The following GPC3 variants were observed in gnomAD, a reference collection of about 807,000 sequenced individuals.
The protein encoded by GPC3 is glypican 3.
Under a neutral mutation model 34.4 loss-of-function variants are expected in GPC3, and 3 were observed. The ratio of observed to expected loss-of-function variants is 0.09; its 90% CI spans 0.04 to 0.23. The LOEUF is 0.23. Among genes scored for constraint, GPC3 ranks in the 10% least tolerant of loss-of-function variants. The pLI is 1.00. For synonymous variants in GPC3, 177 were observed against 174.0 expected, an observed-to-expected ratio of 1.02 and a Z score of -0.13; for missense variants, 351 against 445.6, an observed-to-expected ratio of 0.79 and a Z score of 1.91.
At chrX:133,571,680 T>A (rs2069633537) in intron 7 of GPC3, among the ~76,000 whole-genome samples, 1 of 111,976 alleles carries the variant, frequency 8.9e-6, no homozygotes, top group Non-Finnish European at 1.9e-5. Context: ...ATGCCCCTCA[T>A]CCGTGCTGGC....
intron 5 of GPC3, among the ~76,000 whole-genome samples, chrX:133,679,623 G>C (rs2070920261): frequency 9.0e-6 from 1 of 110,704 alleles, no homozygotes; most frequent in Non-Finnish European, 1.9e-5. Flanking sequence ...TCTATAGATG[G>C]AAGACACAGT....
rs1374768461 is a variant in GPC3 at position 133,924,617 on chromosome X, G to C, written c.337+28433C>G. ...GAAATGGGCAGCCACCTATTTGAGA[G>C]AAAGGTTTTCACCATCCACACTACA... is the stretch of plus-strand genomic sequence containing the variant. On this transcript the variant is annotated intron_variant, in intron 2 of 7. Coordinates refer to ENST00000370818, the MANE Select transcript of GPC3 (RefSeq NM_004484.4). Among the ~76,000 whole-genome samples the C allele has an allele frequency of 3.6e-5, 4 of 112,243 alleles. No individual in the cohort carries two copies. The East Asian group carries it at 1.1e-3, about 31-fold the overall frequency.
chrX:133,618,541 C>A (rs1426290572), intron 6 of GPC3, among the ~76,000 whole-genome samples: 1 of 108,652 alleles, frequency 9.2e-6, no homozygotes. Flanking sequence ...CAAAATAGAC[C>A]AAGGGTTAAA....
chrX:133,943,422 G>C (rs1317705206), intron 2 of GPC3, among the ~76,000 whole-genome samples: 1 of 112,560 alleles, frequency 8.9e-6, no homozygotes, highest in African/African-American at 3.2e-5. Context: ...CAACAATATT[G>C]AGAGAGAACA....
intron 6 of GPC3, among the ~76,000 whole-genome samples, chrX:133,641,460 A>G (rs1397048885): frequency 1.8e-5 from 2 of 109,880 alleles, no homozygotes; most frequent in African/African-American, 6.6e-5. Flanking sequence ...TGGGTGACAG[A>G]GCAAGACTGT....
intron 5 of GPC3, among the ~76,000 whole-genome samples, chrX:133,669,125 C>A (rs1321273380): frequency 9.0e-6 from 1 of 111,424 alleles, no homozygotes; most frequent in Non-Finnish European, 1.9e-5. Flanking sequence ...CTTTGGGAGG[C>A]CAGGGTGGGC....
intron 3 of GPC3, among the ~76,000 whole-genome samples, chrX:133,709,315 T>C (rs1467076940): frequency 1.8e-5 from 2 of 111,607 alleles, no homozygotes; most frequent in Non-Finnish European, 3.8e-5. Flanking sequence ...TTATCAACTC[T>C]GATCTAGTTG....
chrX:133,895,739 A>G (rs955525522), intron 2 of GPC3, among the ~76,000 whole-genome samples: 3 of 111,329 alleles, frequency 2.7e-5, no homozygotes, highest in African/African-American at 9.8e-5. Context: ...TAAACAGCGC[A>G]CACACACACA....
At chrX:133,851,665 C>G in intron 2 of GPC3, among the ~76,000 whole-genome samples, 1 of 111,937 alleles carries the variant, frequency 8.9e-6, no homozygotes, top group East Asian at 2.8e-4. Context: ...TTTCCCCCTC[C>G]CATAGACTGC....
intron 3 of GPC3, among the ~76,000 whole-genome samples, chrX:133,719,713 A>G (rs2071345301): frequency 1.8e-5 from 2 of 112,728 alleles, no homozygotes; most frequent in South Asian, 3.6e-4. Flanking sequence ...AAATAAATAA[A>G]TGGGACCTAA....
At chrX:133,705,828 G>A (rs1020008377) in intron 3 of GPC3, among the ~76,000 whole-genome samples, 1 of 112,458 alleles carries the variant, frequency 8.9e-6, no homozygotes, top group Admixed American at 9.4e-5. Context: ...TAAGTTTCAG[G>A]TAGTATTTCA....
At position 133,973,715 on chromosome X, in the gene GPC3, C is replaced by T. The variant is rs184281354; in HGVS notation, c.175+11560G>A. On this transcript the variant is annotated intron_variant, in intron 1 of 7. Transcript: ENST00000370818. ...AGCCCAATTACACAAGTATTCCTAGCGTTTACTTGGAACCACATGTTTCAG... is the reference window on the plus strand; with the variant it reads ...AGCCCAATTACACAAGTATTCCTAGTGTTTACTTGGAACCACATGTTTCAG... Among the ~76,000 whole-genome samples, 7 of 112,462 alleles carry T rather than the reference C, an allele frequency of 6.2e-5. No homozygotes were observed. In the East Asian group the frequency reaches 1.7e-3, roughly 27 times the overall value.
intron 2 of GPC3, among the ~76,000 whole-genome samples, chrX:133,773,509 A>G (rs2124496080): frequency 8.9e-6 from 1 of 112,277 alleles, no homozygotes; most frequent in Admixed American, 9.4e-5. Flanking sequence ...GATGAACAAA[A>G]TGTCTTGGAA....
At chrX:133,865,141 C>T (rs2075961002) in intron 2 of GPC3, among the ~76,000 whole-genome samples, 1 of 111,503 alleles carries the variant, frequency 9.0e-6, no homozygotes, top group Non-Finnish European at 1.9e-5. Context: ...TTATTTGTAT[C>T]CCACACAAAA....
At chrX:133,671,351 G>A in intron 5 of GPC3, 1 of 602,048 alleles carries the variant, frequency 1.7e-6, no homozygotes, top group Non-Finnish European at 2.9e-6. Context: ...GACCGCAAAG[G>A]CCAATGTTGG....
intron 2 of GPC3, among the ~76,000 whole-genome samples, chrX:133,793,166 G>T (rs1004852157): frequency 1.8e-5 from 2 of 111,442 alleles, no homozygotes; most frequent in Non-Finnish European, 1.9e-5. Flanking sequence ...ATTGTGACTT[G>T]GTGGAAATGC....
intron 4 of GPC3, among the ~76,000 whole-genome samples, chrX:133,695,968 A>G (rs2071113669): frequency 8.9e-6 from 1 of 111,811 alleles, no homozygotes. Flanking sequence ...GAATCCACTT[A>G]GAATCCAAGG....
rs1371252457 is a variant in GPC3 at position 133,825,116 on chromosome X, A to C, written c.338-70940T>G. Among the ~76,000 whole-genome samples, 3 of 111,734 alleles carry C rather than the reference A, an allele frequency of 2.7e-5. No individual in the cohort carries two copies. The South Asian group carries it at 1.1e-3, about 42-fold the overall frequency. On this transcript the variant is annotated intron_variant, in intron 2 of 7. Coordinates refer to ENST00000370818, the MANE Select transcript of GPC3 (RefSeq NM_004484.4). ...ATGATCTGCCCACCTCAGCCTCCCA[A>C]AGTGTTAGGATTACAGGCATGAGCC...
intron 2 of GPC3, among the ~76,000 whole-genome samples, chrX:133,860,740 T>C (rs185159777): frequency 1.4e-3 from 162 of 111,769 alleles, no homozygotes; most frequent in Admixed American, 4.5e-3. Flanking sequence ...TAGAAGGTCC[T>C]ATGGAATCAA....
Sources: allele counts gnomAD v4.1 joint callset (sites outside exome capture counted in the v4.1 genomes callset), GRCh38; gene constraint gnomAD v4.1.1; transcripts MANE v1.5; gene names NCBI Gene and HGNC (gene_info 2026-07-23, HGNC 2026-07-21).